The following FTO variants were observed in gnomAD, a reference collection of about 807,000 sequenced individuals.
FTO encodes alpha-ketoglutarate-dependent dioxygenase FTO.
FTO carries 47 observed loss-of-function variants against 63.9 expected under a neutral mutation model. That is an observed-to-expected ratio of 0.74 (90% CI 0.58 to 0.94). The LOEUF is 0.94. Among genes scored for constraint, FTO ranks in the 40% least tolerant of loss-of-function variants. The pLI is 0.00. For synonymous variants in FTO, 207 were observed against 224.4 expected (o/e 0.92, Z 0.69); for missense variants, 562 against 618.1 (o/e 0.91, Z 0.96).
At chr16:53,744,807 G>A (rs1192495138) in intron 1 of FTO, among the ~76,000 whole-genome samples, 1 of 119,688 alleles carries the variant, frequency 8.4e-6, no homozygotes, top group Non-Finnish European at 1.7e-5. Flanking sequence ...TCTGTGACAG[G>A]ACTCTAAGGA....
At chr16:53,831,880 A>G (rs1376199416) in intron 3 of FTO, among the ~76,000 whole-genome samples, 1 of 152,170 alleles carries the variant, frequency 6.6e-6, no homozygotes, top group Non-Finnish European at 1.5e-5. Context: ...AATGAAGACA[A>G]AGGGACAAGT....
At chr16:53,919,073 G>GGC (rs2081950713) in intron 7 of FTO, among the ~76,000 whole-genome samples, 1 of 152,166 alleles carries the variant, frequency 6.6e-6, no homozygotes, top group Non-Finnish European at 1.5e-5. Context: ...TTTGGGCACA[G>GGC]GCGCCTGATG....
chr16:53,984,272 C>T (rs2083612726), intron 8 of FTO, among the ~76,000 whole-genome samples: 1 of 150,236 alleles, frequency 6.7e-6, no homozygotes, highest in African/African-American at 2.4e-5. Context: ...GACTTTTAAC[C>T]ATCACAAAGT....
At chr16:53,969,462 G>A (rs78780482) in intron 8 of FTO, among the ~76,000 whole-genome samples, 2,236 of 152,024 alleles carry the variant, frequency 0.015, 25 homozygotes, top group Non-Finnish European at 0.022. Flanking sequence ...TTTTGGGGGG[G>A]GCTTGTTTTC....
At chr16:53,871,496 C>T (rs1177802574) in intron 4 of FTO, among the ~76,000 whole-genome samples, 1 of 151,972 alleles carries the variant, frequency 6.6e-6, no homozygotes, top group Non-Finnish European at 1.5e-5. Context: ...TTAGAAGCTT[C>T]ACTTATATAT....
chr16:53,757,224 G>T (rs2076945341), intron 1 of FTO, among the ~76,000 whole-genome samples: 1 of 151,850 alleles, frequency 6.6e-6, no homozygotes, highest in South Asian at 2.1e-4. Flanking sequence ...ACTTTTTTGT[G>T]GTGAGAACAC....
chr16:54,117,719 A>C lies in FTO; in HGVS notation c.*5804A>C, dbSNP rs560935117. 1 of 152,162 alleles carries C rather than the reference A, an allele frequency of 6.6e-6. No homozygotes were observed. Among genetic ancestry groups the C allele is most frequent in the Non-Finnish European group, 1.5e-5 (1 of 68,028 alleles). 9.4% of individuals were successfully genotyped at this position (152,162 alleles called of 1,614,324 possible). A position where few individuals can be genotyped will look rare whatever the true frequency, so the allele number is the denominator to read the frequency against. On this transcript the variant is annotated 3_prime_UTR_variant, in exon 9 of 9. Transcript: ENST00000471389. ...TGAAAAATGATGTTTTAGGACTCTC[A>C]TTTCTACAGTGGGAGTAGGTCACCC...
chr16:53,736,837 C>A (rs8048396), intron 1 of FTO, among the ~76,000 whole-genome samples: 60,733 of 152,008 alleles, frequency 0.4, 13,462 homozygotes, highest in Non-Finnish European at 0.51. Flanking sequence ...CTTTCCATCT[C>A]CCCGCTACCA....
chr16:54,003,317 A>G (rs1354406255), intron 8 of FTO, among the ~76,000 whole-genome samples: 1 of 152,198 alleles, frequency 6.6e-6, no homozygotes, highest in Non-Finnish European at 1.5e-5. Flanking sequence ...ATATGCAACT[A>G]TGGGAAGAAG....
chr16:53,755,319 C>CA (rs2151583589), intron 1 of FTO, among the ~76,000 whole-genome samples: 1 of 152,224 alleles, frequency 6.6e-6, no homozygotes, highest in Admixed American at 6.5e-5. Context: ...GGACGGTTGA[C>CA]ATGACCCAGA....
At position 53,851,285 on chromosome 16, in the gene FTO, T is replaced by TA. The variant is rs571720201; in HGVS notation, c.895+7011dup. Among the ~76,000 whole-genome samples the TA allele has an allele frequency of 9.9e-3, 1,027 of 103,268 alleles. 5 individuals carry two copies. The highest frequency in any genetic ancestry group is 0.021 in the Middle Eastern group (4 of 192). The allele number at this position is 103,268 out of a possible 152,430, so 67.7% of individuals were successfully genotyped here. On this transcript the variant is annotated intron_variant, in intron 4 of 8. Coordinates refer to ENST00000471389, the MANE Select transcript of FTO (RefSeq NM_001080432.3). ...CAACATGGTGATACCCCACCTCTAC[T>TA]AAAAAAAAAAAAAAAAAAAAAAAAT...
rs143879850 is a variant in FTO at position 53,925,043 on chromosome 16, T to C, written c.1240-8942T>C. 2.3e-3 allele frequency among the ~76,000 whole-genome samples: 347 copies of C among 151,200 alleles called. 1 individual carries two copies. The highest frequency in any genetic ancestry group is 0.01 in the Middle Eastern group (3 of 294). ...CTCAGTGGGTTCTGTGCCTTTCTTC[T>C]TTTTTTTCTTTCTTTCTTTTTTTTG... On this transcript the variant is annotated intron_variant, in intron 7 of 8. Coordinates refer to ENST00000471389, the MANE Select transcript of FTO (RefSeq NM_001080432.3).
chr16:54,075,913 A>G (rs959007281), intron 8 of FTO, among the ~76,000 whole-genome samples: 1 of 152,196 alleles, frequency 6.6e-6, no homozygotes. Flanking sequence ...AGAAAGGATC[A>G]CAATTAAATG....
At chr16:53,782,252 C>G (rs761228689) in intron 1 of FTO, among the ~76,000 whole-genome samples, 2 of 152,166 alleles carry the variant, frequency 1.3e-5, no homozygotes, top group Non-Finnish European at 2.9e-5. Context: ...AACTAATTTC[C>G]GGTTTCCATA....
At chr16:53,807,192 A>G (rs2078396388) in intron 1 of FTO, among the ~76,000 whole-genome samples, 1 of 152,022 alleles carries the variant, frequency 6.6e-6, no homozygotes, top group South Asian at 2.1e-4. Flanking sequence ...TTCAGAGCAG[A>G]TTTTTATCTG....
At chr16:54,096,762 C>G (rs1181745220) in intron 8 of FTO, among the ~76,000 whole-genome samples, 1 of 152,178 alleles carries the variant, frequency 6.6e-6, no homozygotes, top group Non-Finnish European at 1.5e-5. Context: ...TGACCTGGAA[C>G]AATGCTTTCA....
intron 8 of FTO, among the ~76,000 whole-genome samples, chr16:54,059,614 G>A (rs1445609966): frequency 6.6e-6 from 1 of 152,134 alleles, no homozygotes; most frequent in Admixed American, 6.5e-5. Context: ...CTCCAGTGGG[G>A]CCCATCACCA....
chr16:53,879,130 T>G (rs1233206185), intron 5 of FTO, among the ~76,000 whole-genome samples: 1 of 152,254 alleles, frequency 6.6e-6, no homozygotes, highest in African/African-American at 2.4e-5. Flanking sequence ...CCTTGACTTC[T>G]TGGTTAACCA....
chr16:53,956,955 G>A (rs2082946360), intron 8 of FTO, among the ~76,000 whole-genome samples: 2 of 152,244 alleles, frequency 1.3e-5, no homozygotes, highest in South Asian at 2.1e-4. Flanking sequence ...ATGAACCACC[G>A]CACCTGGTCC....
Sources: allele counts gnomAD v4.1 joint callset (sites outside exome capture counted in the v4.1 genomes callset), GRCh38; gene constraint gnomAD v4.1.1; transcripts MANE v1.5; gene names NCBI Gene and HGNC (gene_info 2026-07-23, HGNC 2026-07-21).